Variants in EIF4E3 observed in about 807,000 individuals in gnomAD.
The protein encoded by EIF4E3 is eukaryotic translation initiation factor 4E family member 3.
A neutral mutation model predicts 31.7 loss-of-function variants in EIF4E3; 26 were observed. The observed-to-expected ratio is 0.82, with a 90% confidence interval of 0.60 to 1.14. EIF4E3 has a LOEUF of 1.14. Ranked by LOEUF, EIF4E3 falls within the 50% of genes most tolerant of loss-of-function variation. The probability of loss-of-function intolerance (pLI) is 0.00; values close to 1 mark genes in which losing one functional copy is unlikely to be tolerated. For missense variants in EIF4E3, 304 were observed against 270.9 expected, an observed-to-expected ratio of 1.12 and a Z score of -0.86; for synonymous variants, 128 against 107.7, an observed-to-expected ratio of 1.19 and a Z score of -1.17.
In EIF4E3 at chr3:71,677,648, T is replaced by C. The variant is rs956612932; in HGVS notation, c.*7034A>G. On this transcript the variant is annotated 3_prime_UTR_variant, in exon 7 of 7. Coordinates refer to ENST00000425534, the MANE Select transcript of EIF4E3 (RefSeq NM_001134651.2). ...CCTGCTCTTCAACGATTTCATTAAA[T>C]TCGCTGTGTTAAAATTAATTAGGCA... The C allele has an allele frequency of 6.6e-6, 1 of 152,194 alleles. No individual in the cohort carries two copies. Among genetic ancestry groups the C allele is most frequent in the Non-Finnish European group, 1.5e-5 (1 of 68,016 alleles). 9.4% of individuals were successfully genotyped at this position (152,194 alleles called of 1,614,324 possible).
chr3:71,725,096 G>C lies in EIF4E3; in HGVS notation c.176+96C>G. 1.1e-6 allele frequency: 1 copy of C among 904,302 alleles called. No homozygotes were observed. Among genetic ancestry groups the C allele is most frequent in the Non-Finnish European group, 1.3e-6 (1 of 752,730 alleles). 56.0% of individuals were successfully genotyped at this position (904,302 alleles called of 1,614,324 possible). ...AGGGGCCGAGGTCTGTGCCACAGCG[G>C]AGCGGGGCCGGGGCGAGGGGCCGCG... On this transcript the variant is annotated intron_variant, in intron 1 of 6. Transcript: ENST00000425534. The surrounding 1 kb of genome is among the most constrained non-coding windows in gnomAD (Gnocchi z 6.1).
intron 1 of EIF4E3, among the ~76,000 whole-genome samples, chr3:71,717,223 A>G (rs1369833041): frequency 6.6e-6 from 1 of 152,178 alleles, no homozygotes; most frequent in Non-Finnish European, 1.5e-5. Context: ...TCCTCATGAG[A>G]CCTGCTAAAT....
At chr3:71,730,306 C>G (rs979690579), upstream of EIF4E3, among the ~76,000 whole-genome samples, 1 of 152,208 alleles carries the variant, frequency 6.6e-6, no homozygotes, top group Admixed American at 6.5e-5. Context: ...AGTTATTAAC[C>G]TTGCTGAGCT....
At position 71,693,949 on chromosome 3, in the gene EIF4E3, G is replaced by T; in HGVS notation, c.406-8C>A. The T allele has an allele frequency of 1.3e-6, 2 of 1,567,460 alleles. No individual in the cohort carries two copies. The highest frequency in any genetic ancestry group is 2.3e-5 in the East Asian group (1 of 43,424). ...CTCTTTCCAAACTGTGGACTGATAT[G>T]GGAAAAGAATAAAAAACAAAACAAA... On this transcript the variant is annotated splice_region_variant and splice_polypyrimidine_tract_variant and intron_variant, in intron 4 of 6. Coordinates refer to ENST00000425534, the MANE Select transcript of EIF4E3 (RefSeq NM_001134651.2).
In EIF4E3 at chr3:71,695,596, T is replaced by C. The variant is rs186658844; in HGVS notation, c.405+864A>G. 5.3e-5 allele frequency among the ~76,000 whole-genome samples: 8 copies of C among 152,344 alleles called. No homozygotes were observed. The East Asian group carries it at 1.5e-3, about 29-fold the overall frequency. On this transcript the variant is annotated intron_variant, in intron 4 of 6. Coordinates refer to ENST00000425534, the MANE Select transcript of EIF4E3 (RefSeq NM_001134651.2). ...ATGTATGCCAAATAACAGTAAAATG[T>C]TGGAGCTTCAAATCTTGACTAATAG...
At chr3:71,752,645 C>T (rs1379828482) in intron 1 of EIF4E3, among the ~76,000 whole-genome samples, 1 of 152,172 alleles carries the variant, frequency 6.6e-6, no homozygotes, top group South Asian at 2.1e-4. Flanking sequence ...TACCAAAAAC[C>T]AGGCATGATC....
At chr3:71,739,621 T>C (rs970586941) in intron 1 of EIF4E3, among the ~76,000 whole-genome samples, 4 of 151,800 alleles carry the variant, frequency 2.6e-5, no homozygotes, top group Non-Finnish European at 4.4e-5. Flanking sequence ...CACCTGAGCC[T>C]GGGAGATTGA....
chr3:71,674,184 G>A (rs1485131995), downstream of EIF4E3, among the ~76,000 whole-genome samples: 1 of 126,476 alleles, frequency 7.9e-6, no homozygotes, highest in Non-Finnish European at 1.6e-5. Context: ...CCAGCTGACT[G>A]CAACCTCTGC....
intron 1 of EIF4E3, among the ~76,000 whole-genome samples, chr3:71,715,266 A>C (rs1236099130): frequency 5.3e-5 from 8 of 152,246 alleles, no homozygotes. Flanking sequence ...CCCTCCTGGC[A>C]ATGTTTAACA....
chr3:71,664,340 T>C, the EIF4E3 span, among the ~76,000 whole-genome samples: 1 of 152,114 alleles, frequency 6.6e-6, no homozygotes, highest in Non-Finnish European at 1.5e-5. Context: ...TGGAACTTGA[T>C]GCTATAGTGG....
intron 6 of EIF4E3, 28 bp from the exon 7 acceptor site, chr3:71,684,756 A>C: frequency 1.2e-6 from 2 of 1,610,740 alleles, no homozygotes. Flanking sequence ...AACAAAAAAG[A>C]AAAAAAGGAA....
chr3:71,753,456 C>T (rs1403725204), intron 1 of EIF4E3: 1 of 152,206 alleles, frequency 6.6e-6, no homozygotes, highest in Non-Finnish European at 1.5e-5. Context: ...CGCCGGACCC[C>T]CGTTACCTGG....
the EIF4E3 span, among the ~76,000 whole-genome samples, chr3:71,664,962 G>A: frequency 6.6e-6 from 1 of 152,212 alleles, no homozygotes; most frequent in Non-Finnish European, 1.5e-5. Flanking sequence ...CTAAGAGGTT[G>A]TCTCCTGGAT....
chr3:71,663,779 T>C, the EIF4E3 span, among the ~76,000 whole-genome samples: 1 of 152,230 alleles, frequency 6.6e-6, no homozygotes, highest in Non-Finnish European at 1.5e-5. Flanking sequence ...ACACTTACTA[T>C]GACCCAGCCA....
chr3:71,748,149 G>C (rs1228483944), intron 1 of EIF4E3, among the ~76,000 whole-genome samples: 2 of 152,116 alleles, frequency 1.3e-5, no homozygotes, highest in African/African-American at 2.4e-5. Context: ...CAGGGAAATT[G>C]ATTCCAGTTG....
intron 6 of EIF4E3, among the ~76,000 whole-genome samples, chr3:71,686,782 T>C (rs1332278250): frequency 6.6e-6 from 1 of 152,072 alleles, no homozygotes; most frequent in Non-Finnish European, 1.5e-5. Context: ...GTGGTCATAG[T>C]TGCAAACTAC....
chr3:71,750,436 T>G (rs2049915232), intron 1 of EIF4E3, among the ~76,000 whole-genome samples: 1 of 151,970 alleles, frequency 6.6e-6, no homozygotes, highest in Non-Finnish European at 1.5e-5. Flanking sequence ...CTTCTCTGTT[T>G]GTAAAATTCA....
Position 71,683,472 on chromosome 3 carries a change from G to C in EIF4E3, c.*1210C>G, listed in dbSNP as rs1344840153. The C allele has an allele frequency of 6.6e-6, 1 of 152,198 alleles. No individual in the cohort carries two copies. Among genetic ancestry groups the C allele is most frequent in the Non-Finnish European group, 1.5e-5 (1 of 68,044 alleles). 9.4% of individuals were successfully genotyped at this position (152,198 alleles called of 1,614,324 possible). A position where few individuals can be genotyped will look rare whatever the true frequency, so the allele number is the denominator to read the frequency against. On this transcript the variant is annotated 3_prime_UTR_variant, in exon 7 of 7. Coordinates refer to ENST00000425534, the MANE Select transcript of EIF4E3 (RefSeq NM_001134651.2). ...GCAAAGTCAGGAGAGGGAAATCAGC[G>C]TATTCTGAGCTAGTCTCCATGGTCC...
chr3:71,710,855 C>T (rs965356357), intron 1 of EIF4E3, among the ~76,000 whole-genome samples: 7 of 152,174 alleles, frequency 4.6e-5, no homozygotes, highest in African/African-American at 7.2e-5. Context: ...CAGACGACAA[C>T]GAAAATGCAG....
Sources: gnomAD v4.1 joint callset for allele counts (sites outside exome capture counted in the v4.1 genomes callset) on GRCh38, gnomAD v4.1.1 for gene constraint, Gnocchi (gnomAD v3.1) non-coding constraint, MANE v1.5 for transcripts, NCBI Gene and HGNC (gene_info 2026-07-23, HGNC 2026-07-21) for gene names.